LRRC8D: variants seen among roughly 807,000 people sequenced by gnomAD.
LRRC8D encodes volume-regulated anion channel subunit LRRC8D.
In LRRC8D, 20 loss-of-function variants were observed where a neutral mutation model predicts 55.8. The ratio of observed to expected loss-of-function variants is 0.36; its 90% CI spans 0.25 to 0.52. The LOEUF is 0.52. Ranked by LOEUF, LRRC8D falls within the 20% of genes least tolerant of loss-of-function variation. The pLI is 0.93. For synonymous variants in LRRC8D, 352 were observed against 377.0 expected (o/e 0.93, Z 0.77); for missense variants, 651 against 1,030.8 (o/e 0.63, Z 5.05).
chr1:89,852,932 G>T (rs990096080), intron 2 of LRRC8D, among the ~76,000 whole-genome samples: 1 of 152,202 alleles, frequency 6.6e-6, no homozygotes, highest in African/African-American at 2.4e-5. Context: ...CTAGGGCCAT[G>T]CATTTCATTT....
intron 2 of LRRC8D, among the ~76,000 whole-genome samples, chr1:89,890,088 G>A (rs1301505591): frequency 6.6e-6 from 1 of 152,228 alleles, no homozygotes; most frequent in Non-Finnish European, 1.5e-5. Context: ...TTGGGAGGCT[G>A]AGGCAGGAGA....
chr1:89,822,100 A>T (rs1660650448), intron 1 of LRRC8D: 2 of 152,616 alleles, frequency 1.3e-5, no homozygotes, highest in Admixed American at 1.3e-4. Flanking sequence ...ACTAGGGGGT[A>T]TCCCTTGCAG....
chr1:89,823,033 C>G (rs992059579), intron 1 of LRRC8D, among the ~76,000 whole-genome samples: 1 of 152,136 alleles, frequency 6.6e-6, no homozygotes, highest in Admixed American at 6.5e-5. Context: ...ATTAGGTAAT[C>G]TATGGAGCCA....
chr1:89,894,306 C>T (rs1310942640), intron 2 of LRRC8D, among the ~76,000 whole-genome samples: 1 of 152,208 alleles, frequency 6.6e-6, no homozygotes, highest in Non-Finnish European at 1.5e-5. Context: ...TCTGTAATAG[C>T]AGTTCAGACT....
chr1:89,904,140 G>C (rs1438452260), intron 2 of LRRC8D, among the ~76,000 whole-genome samples: 1 of 152,182 alleles, frequency 6.6e-6, no homozygotes, highest in Non-Finnish European at 1.5e-5. Flanking sequence ...ATAGTAGAGA[G>C]AGCTTTCTGA....
At chr1:89,878,584 T>C (rs879514517) in intron 2 of LRRC8D, among the ~76,000 whole-genome samples, 8 of 152,216 alleles carry the variant, frequency 5.3e-5, no homozygotes, top group Non-Finnish European at 1.0e-4. Flanking sequence ...AATGAGAACA[T>C]GGTCAACTAT....
intron 1 of LRRC8D, among the ~76,000 whole-genome samples, chr1:89,842,070 G>A (rs1225013165): frequency 6.6e-6 from 1 of 151,938 alleles, no homozygotes; most frequent in African/African-American, 2.4e-5. Context: ...AAAATTAGCT[G>A]GGCATGGTGG....
intron 2 of LRRC8D, among the ~76,000 whole-genome samples, chr1:89,858,086 G>A (rs996849836): frequency 6.6e-6 from 1 of 151,998 alleles, no homozygotes; most frequent in African/African-American, 2.4e-5. Context: ...AAAATTAGCC[G>A]GGCGTGGTGG....
chr1:89,885,292 G>A (rs764726333), intron 2 of LRRC8D, among the ~76,000 whole-genome samples: 5 of 152,142 alleles, frequency 3.3e-5, no homozygotes, highest in Non-Finnish European at 7.4e-5. Flanking sequence ...TGTTCATGGT[G>A]ATCTTCCTGC....
In LRRC8D at chr1:89,911,561, C is replaced by G. The variant is rs779101831; in HGVS notation, c.-2-21506C>G. Among the ~76,000 whole-genome samples, 2 of 152,202 alleles carry G rather than the reference C, an allele frequency of 1.3e-5. No homozygotes were observed. The highest frequency in any genetic ancestry group is 2.9e-5 in the Non-Finnish European group (2 of 68,042). ...GCTACTTCCAACTTTTACCCCTCTA[C>G]TCCTTTCCTATCCTGAAAAATACAC... On this transcript the variant is annotated intron_variant, in intron 2 of 2. Transcript: ENST00000337338. This position sits in a 1 kb window ranked among gnomAD's most constrained non-coding sequence, Gnocchi z 4.0.
At chr1:89,849,305 A>T (rs555373570) in intron 2 of LRRC8D, among the ~76,000 whole-genome samples, 1 of 152,280 alleles carries the variant, frequency 6.6e-6, no homozygotes, top group East Asian at 1.9e-4. Context: ...AGTATGTATT[A>T]ATTTTTTTCT....
chr1:89,910,562 C>T (rs1466262340), intron 2 of LRRC8D, among the ~76,000 whole-genome samples: 1 of 152,002 alleles, frequency 6.6e-6, no homozygotes, highest in Non-Finnish European at 1.5e-5. Flanking sequence ...TTTGTAGAAG[C>T]AAATTTAATT....
chr1:89,822,958 GT>G (rs1196086510), intron 1 of LRRC8D, among the ~76,000 whole-genome samples: 1 of 152,154 alleles, frequency 6.6e-6, no homozygotes, highest in Non-Finnish European at 1.5e-5. Flanking sequence ...TAAAACAGGG[GT>G]CACGAAAAGT....
At chr1:89,846,854 A>G (rs1217482992) in intron 2 of LRRC8D, among the ~76,000 whole-genome samples, 1 of 152,192 alleles carries the variant, frequency 6.6e-6, no homozygotes, top group African/African-American at 2.4e-5. Flanking sequence ...TCAGATTACC[A>G]TATTTTAATT....
At chr1:89,839,490 T>G (rs1200797364) in intron 1 of LRRC8D, among the ~76,000 whole-genome samples, 1 of 152,246 alleles carries the variant, frequency 6.6e-6, no homozygotes. Context: ...AGGCATATTT[T>G]TTTTTAAACA....
chr1:89,830,124 A>G (rs1263726117), intron 1 of LRRC8D, among the ~76,000 whole-genome samples: 3 of 152,234 alleles, frequency 2.0e-5, no homozygotes, highest in African/African-American at 4.8e-5. Flanking sequence ...CATCATATTC[A>G]TAGGCTGTTT....
intron 1 of LRRC8D, among the ~76,000 whole-genome samples, chr1:89,837,023 AC>A: frequency 6.6e-6 from 1 of 152,342 alleles, no homozygotes; most frequent in South Asian, 2.1e-4. Context: ...TCTTGGAACA[AC>A]ATAAGTTTTG....
chr1:89,847,471 C>T (rs906883689), intron 2 of LRRC8D, among the ~76,000 whole-genome samples: 3 of 152,070 alleles, frequency 2.0e-5, no homozygotes, highest in East Asian at 1.9e-4. Context: ...TTCTGTCTGT[C>T]GGTGAGTTGC....
intron 2 of LRRC8D, among the ~76,000 whole-genome samples, chr1:89,914,486 A>C (rs1222168036): frequency 6.6e-6 from 1 of 152,184 alleles, no homozygotes; most frequent in African/African-American, 2.4e-5. Context: ...GAGAGCAAGC[A>C]AGGGCTTTGA....
Sources: allele counts gnomAD v4.1 joint callset (sites outside exome capture counted in the v4.1 genomes callset), GRCh38; gene constraint gnomAD v4.1.1; non-coding constraint Gnocchi (gnomAD v3.1); transcripts MANE v1.5; gene names NCBI Gene and HGNC (gene_info 2026-07-23, HGNC 2026-07-21).